ATP6V1H: variants seen among roughly 807,000 people sequenced by gnomAD.
The protein encoded by ATP6V1H is V-type proton ATPase subunit H.
ATP6V1H carries 39 observed loss-of-function variants against 71.7 expected under a neutral mutation model. The observed-to-expected ratio is 0.54, with a 90% CI of 0.42 to 0.71. The LOEUF (loss-of-function observed/expected upper bound fraction) is 0.71. Among genes scored for constraint, ATP6V1H ranks in the 30% least tolerant of loss-of-function variants. ATP6V1H has a pLI of 0.00. For missense variants in ATP6V1H, 509 were observed against 594.9 expected (o/e 0.86, Z 1.50); for synonymous variants, 192 against 199.3 (o/e 0.96, Z 0.31).
chr8:53,762,894 C>T (rs187849575), intron 11 of ATP6V1H, among the ~76,000 whole-genome samples: 1 of 152,330 alleles, frequency 6.6e-6, no homozygotes, highest in East Asian at 1.9e-4. Flanking sequence ...TCTTTCTCAG[C>T]TTACTCAACA....
chr8:53,821,457 G>A (rs1810653934), intron 4 of ATP6V1H, among the ~76,000 whole-genome samples: 2 of 151,980 alleles, frequency 1.3e-5, no homozygotes. Flanking sequence ...AAGGCAGGCA[G>A]ATTTCTTGAG....
intron 13 of ATP6V1H, among the ~76,000 whole-genome samples, chr8:53,727,514 T>C (rs1205075649): frequency 3.9e-5 from 6 of 152,190 alleles, no homozygotes; most frequent in African/African-American, 1.4e-4. Context: ...TCAGCCTTTC[T>C]TGGATCACAC....
At chr8:53,736,624 TAAA>T (rs1163016969) in intron 13 of ATP6V1H, among the ~76,000 whole-genome samples, 2 of 152,194 alleles carry the variant, frequency 1.3e-5, no homozygotes, top group Non-Finnish European at 2.9e-5. Flanking sequence ...CTTCAAATAA[TAAA>T]AAGTTTTGTT....
chr8:53,742,981 A>G (rs184710918), intron 13 of ATP6V1H, among the ~76,000 whole-genome samples: 14 of 152,338 alleles, frequency 9.2e-5, no homozygotes, highest in Admixed American at 8.5e-4. Flanking sequence ...CATTTCTTCT[A>G]TTATGTACAC....
chr8:53,741,430 T>C (rs1488863201), intron 13 of ATP6V1H, among the ~76,000 whole-genome samples: 1 of 152,232 alleles, frequency 6.6e-6, no homozygotes, highest in Non-Finnish European at 1.5e-5. Context: ...TGTATTTCAA[T>C]AGCCCTAATT....
chr8:53,832,905 GTCACTTATAA>G lies in ATP6V1H; in HGVS notation c.216+69_216+78del, dbSNP rs747685780. The G allele has an allele frequency of 1.8e-3, 1,552 of 880,542 alleles. 2 individuals carry two copies. Among genetic ancestry groups the G allele is most frequent in the Non-Finnish European group, 1.9e-3 (1,072 of 561,272 alleles). The allele number at this position is 880,542 out of a possible 1,614,324, so 54.5% of individuals were successfully genotyped here. ...TTCCAAATTAGCAAGAAAACTGGAA[GTCACTTATAA>G]TCACTAAGATTTTTCTAAACTTTTG... is the stretch of plus-strand genomic sequence containing the variant. On this transcript the variant is annotated intron_variant, in intron 3 of 13. Coordinates refer to ENST00000359530, the MANE Select transcript of ATP6V1H (RefSeq NM_015941.4).
intron 11 of ATP6V1H, among the ~76,000 whole-genome samples, chr8:53,764,745 T>A (rs879843561): frequency 6.6e-6 from 1 of 152,140 alleles, no homozygotes; most frequent in Non-Finnish European, 1.5e-5. Context: ...ACAAGGTACA[T>A]CTATGAGTCA....
chr8:53,806,425 C>A (rs1810080253), intron 7 of ATP6V1H, among the ~76,000 whole-genome samples: 1 of 151,788 alleles, frequency 6.6e-6, no homozygotes, highest in South Asian at 2.1e-4. Flanking sequence ...CATAAAATAT[C>A]TAAATGAAGA....
chr8:53,723,165 T>C (rs1048872443), intron 13 of ATP6V1H, among the ~76,000 whole-genome samples: 1 of 152,198 alleles, frequency 6.6e-6, no homozygotes, highest in South Asian at 2.1e-4. Flanking sequence ...GCACACTACA[T>C]AGAAGGTGAC....
chr8:53,801,366 T>C (rs1809903381), intron 8 of ATP6V1H, among the ~76,000 whole-genome samples: 1 of 152,228 alleles, frequency 6.6e-6, no homozygotes, highest in Non-Finnish European at 1.5e-5. Context: ...CTTGTCTGTA[T>C]AAGCCTGAAC....
At chr8:53,765,441 C>G (rs1808418664) in intron 11 of ATP6V1H, among the ~76,000 whole-genome samples, 2 of 58,076 alleles carry the variant, frequency 3.4e-5, no homozygotes, top group South Asian at 1.2e-3. Flanking sequence ...GGGTGGTGGA[C>G]AACAACAACA....
At chr8:53,805,548 G>C (rs946187661) in intron 7 of ATP6V1H, among the ~76,000 whole-genome samples, 2 of 152,050 alleles carry the variant, frequency 1.3e-5, no homozygotes, top group African/African-American at 4.8e-5. Flanking sequence ...GAAACAAATG[G>C]AATTTTCATG....
intron 3 of ATP6V1H, chr8:53,832,299 A>C (rs1585838061): frequency 6.6e-6 from 1 of 152,154 alleles, no homozygotes; most frequent in Non-Finnish European, 1.5e-5. Context: ...ATTAGGTAGA[A>C]TAACTTTTTT....
chr8:53,777,604 C>G (rs1808941191), intron 9 of ATP6V1H, among the ~76,000 whole-genome samples: 1 of 152,116 alleles, frequency 6.6e-6, no homozygotes, highest in Middle Eastern at 3.2e-3. Context: ...TGGAAGATAT[C>G]CGAAAGCAGG....
chr8:53,834,914 G>A (rs1171134127), intron 2 of ATP6V1H, among the ~76,000 whole-genome samples: 2 of 152,038 alleles, frequency 1.3e-5, no homozygotes, highest in Non-Finnish European at 2.9e-5. Flanking sequence ...GGCCAAGATG[G>A]GGGGACCCCT....
chr8:53,775,641 T>A (rs1203233450), intron 9 of ATP6V1H, among the ~76,000 whole-genome samples: 1 of 152,156 alleles, frequency 6.6e-6, no homozygotes, highest in African/African-American at 2.4e-5. Flanking sequence ...GGGTGCTGAT[T>A]GGTGTGTTTA....
chr8:53,721,761 T>TA (rs1449339380), intron 13 of ATP6V1H, among the ~76,000 whole-genome samples: 1 of 152,184 alleles, frequency 6.6e-6, no homozygotes, highest in African/African-American at 2.4e-5. Context: ...GCTGGGAGAA[T>TA]AAAAAAGATT....
At chr8:53,811,097 T>G (rs1190556466) in intron 7 of ATP6V1H, 67 bp downstream of exon 7, 5 of 1,427,096 alleles carry the variant, frequency 3.5e-6, no homozygotes, top group Non-Finnish European at 4.9e-6. Flanking sequence ...CCTTCAAAAT[T>G]TTAAGTGTAT....
intron 12 of ATP6V1H, among the ~76,000 whole-genome samples, chr8:53,755,717 TATATATATATATATATATATATA>T (rs1563451103): frequency 1.9e-3 from 14 of 7,250 alleles, no homozygotes; most frequent in African/African-American, 3.5e-3. Context: ...TATATATATA[TATATATATATATATATATATATA>T]TATATTTTTT....
Sources: allele counts gnomAD v4.1 joint callset (sites outside exome capture counted in the v4.1 genomes callset), GRCh38; gene constraint gnomAD v4.1.1; transcripts MANE v1.5; gene names NCBI Gene and HGNC (gene_info 2026-07-23, HGNC 2026-07-21).